The following DNER variants were observed in gnomAD, a reference collection of about 807,000 sequenced individuals.
DNER encodes delta and Notch-like epidermal growth factor-related receptor.
A neutral mutation model predicts 78.2 loss-of-function variants in DNER; 33 were observed. The observed-to-expected ratio is 0.42, with a 90% CI of 0.32 to 0.56. The LOEUF is 0.56. Among genes scored for constraint, DNER ranks in the 20% least tolerant of loss-of-function variants. The pLI is 0.11. For synonymous variants in DNER, 417 were observed against 384.8 expected (o/e 1.08, Z -0.98); for missense variants, 918 against 975.3 (o/e 0.94, Z 0.78).
intron 1 of DNER, among the ~76,000 whole-genome samples, chr2:229,694,396 C>T (rs1329850428): frequency 6.6e-6 from 1 of 152,154 alleles, no homozygotes; most frequent in East Asian, 1.9e-4. Flanking sequence ...TCCTCCAGAC[C>T]CCAGAATGGT....
chr2:229,542,621 T>C (rs1324784087), intron 5 of DNER, among the ~76,000 whole-genome samples: 1 of 152,076 alleles, frequency 6.6e-6, no homozygotes, highest in Non-Finnish European at 1.5e-5. Flanking sequence ...ATTCTTACAT[T>C]GGGTGGAAGG....
chr2:229,575,179 G>A (rs1410889869), intron 4 of DNER, among the ~76,000 whole-genome samples: 3 of 151,956 alleles, frequency 2.0e-5, no homozygotes, highest in African/African-American at 7.3e-5. Flanking sequence ...GAGTGTTGAT[G>A]GGGAGAGAGA....
intron 5 of DNER, among the ~76,000 whole-genome samples, chr2:229,520,967 G>A (rs917772104): frequency 6.6e-6 from 1 of 152,232 alleles, no homozygotes; most frequent in South Asian, 2.1e-4. Context: ...CCTATGCCAA[G>A]GGAGGGTCTG....
chr2:229,462,055 T>A (rs7604082), intron 7 of DNER, among the ~76,000 whole-genome samples: 152,248 of 152,250 alleles, frequency 1, 76,123 homozygotes, highest in Non-Finnish European at 1. Context: ...GGAATGCAAA[T>A]AAAGTAATTT....
intron 4 of DNER, among the ~76,000 whole-genome samples, chr2:229,584,701 C>T (rs956206391): frequency 7.2e-5 from 11 of 151,948 alleles, no homozygotes; most frequent in Admixed American, 5.2e-4. Context: ...GAGGCCGAGG[C>T]GGGTGGATCA....
At chr2:229,416,945 G>A (rs1693666093) in intron 9 of DNER, among the ~76,000 whole-genome samples, 1 of 152,162 alleles carries the variant, frequency 6.6e-6, no homozygotes, top group Non-Finnish European at 1.5e-5. Flanking sequence ...AGGAGCAAGG[G>A]GAAAGAAGGA....
At chr2:229,664,281 A>G (rs1326264692) in intron 1 of DNER, among the ~76,000 whole-genome samples, 1 of 152,138 alleles carries the variant, frequency 6.6e-6, no homozygotes, top group East Asian at 1.9e-4. Flanking sequence ...TAAAATAAAG[A>G]CAGTTTGTAC....
chr2:229,696,405 T>A (rs1243413055), intron 1 of DNER, among the ~76,000 whole-genome samples: 2 of 152,212 alleles, frequency 1.3e-5, no homozygotes, highest in Non-Finnish European at 2.9e-5. Flanking sequence ...ACCAAAGACC[T>A]TTCTCAAACC....
chr2:229,418,494 A>G (rs964047990), intron 8 of DNER, among the ~76,000 whole-genome samples: 3 of 152,142 alleles, frequency 2.0e-5, no homozygotes, highest in Admixed American at 2.0e-4. Flanking sequence ...TTTTCATCAT[A>G]GTGCATCCAA....
At position 229,588,488 on chromosome 2, in the gene DNER, C is replaced by T; in HGVS notation, c.586G>A (p.Val196Met). 1 of 1,495,952 alleles carries T rather than the reference C, an allele frequency of 6.7e-7. No individual in the cohort carries two copies. The highest frequency in any genetic ancestry group is 8.9e-7 in the Non-Finnish European group (1 of 1,128,154). The allele number at this position is 1,495,952 out of a possible 1,614,324, so 92.7% of individuals were successfully genotyped here. Residue 196 changes from valine to methionine, a missense_variant and splice_region_variant, in exon 3 of 13, where the codon GTG (valine) becomes ATG (methionine). Transcript: ENST00000341772. ...TTCCCACAGGCAATATCTGGGATCA[C>T]CTGGGAAGGGAAAAAAAAAACGACA... The part of the protein sequence containing the change: ...VVEMKWDQVE[V>M]IPDIACGNAS...
At chr2:229,427,972 G>A (rs1693916684) in intron 8 of DNER, among the ~76,000 whole-genome samples, 1 of 151,748 alleles carries the variant, frequency 6.6e-6, no homozygotes, top group South Asian at 2.1e-4. Flanking sequence ...CTACTTGGGA[G>A]GCTGAGGCGG....
At chr2:229,469,857 C>T (rs1452612062) in intron 7 of DNER, among the ~76,000 whole-genome samples, 2 of 152,118 alleles carry the variant, frequency 1.3e-5, no homozygotes, top group Admixed American at 6.6e-5. Context: ...GCAGGAGAGT[C>T]GCTTGAACCC....
At chr2:229,597,178 T>A (rs571173472) in intron 1 of DNER, among the ~76,000 whole-genome samples, 1 of 152,366 alleles carries the variant, frequency 6.6e-6, no homozygotes, top group Non-Finnish European at 1.5e-5. Flanking sequence ...GGGCCCTTTT[T>A]AAAAATAATT....
At chr2:229,678,492 G>C (rs1346881674) in intron 1 of DNER, among the ~76,000 whole-genome samples, 1 of 152,010 alleles carries the variant, frequency 6.6e-6, no homozygotes, top group African/African-American at 2.4e-5. Flanking sequence ...TATTAAAAAG[G>C]TGTCCTGTGA....
At chr2:229,577,201 TG>T (rs1306579587) in intron 4 of DNER, among the ~76,000 whole-genome samples, 3 of 152,174 alleles carry the variant, frequency 2.0e-5, no homozygotes, top group African/African-American at 7.2e-5. Flanking sequence ...TTGATTTGAA[TG>T]GTAAGATGTA....
intron 4 of DNER, among the ~76,000 whole-genome samples, chr2:229,568,901 C>T (rs1697161574): frequency 6.6e-6 from 1 of 152,158 alleles, no homozygotes; most frequent in African/African-American, 2.4e-5. Flanking sequence ...ATCTATTATA[C>T]CTACCAAATC....
At chr2:229,404,334 GAA>G (rs1179373413) in intron 10 of DNER, among the ~76,000 whole-genome samples, 1 of 152,184 alleles carries the variant, frequency 6.6e-6, no homozygotes, top group African/African-American at 2.4e-5. Flanking sequence ...AATCATGGCA[GAA>G]GGCACCTCTT....
chr2:229,470,526 C>A (rs1307881131), intron 7 of DNER, among the ~76,000 whole-genome samples: 2 of 151,988 alleles, frequency 1.3e-5, no homozygotes, highest in Non-Finnish European at 2.9e-5. Flanking sequence ...AGTTGTAAAG[C>A]AAAATTAATG....
At chr2:229,525,610 T>A (rs1399613101) in intron 5 of DNER, among the ~76,000 whole-genome samples, 1 of 152,202 alleles carries the variant, frequency 6.6e-6, no homozygotes, top group Non-Finnish European at 1.5e-5. Flanking sequence ...GCATTTCTTT[T>A]TTTATTTATT....
Sources: allele counts gnomAD v4.1 joint callset (sites outside exome capture counted in the v4.1 genomes callset), GRCh38; gene constraint gnomAD v4.1.1; transcripts MANE v1.5; gene names NCBI Gene and HGNC (gene_info 2026-07-23, HGNC 2026-07-21).